Variants in MGAT4C observed in about 807,000 individuals in gnomAD.
The protein encoded by MGAT4C is alpha-1,3-mannosyl-glycoprotein 4-beta-N-acetylglucosaminyltransferase C.
In MGAT4C, 19 loss-of-function variants were observed where a neutral mutation model predicts 40.1. The ratio of observed to expected loss-of-function variants is 0.47; its 90% CI spans 0.33 to 0.70. The LOEUF (loss-of-function observed/expected upper bound fraction) is 0.70, where lower values mean the gene tolerates loss of function less well. Among genes scored for constraint, MGAT4C ranks in the 30% least tolerant of loss-of-function variants. The pLI, the probability that MGAT4C is intolerant of heterozygous loss-of-function variation, is 0.02. For synonymous variants in MGAT4C, 181 were observed against 187.1 expected, an observed-to-expected ratio of 0.97 and a Z score of 0.27; for missense variants, 491 against 563.2, an observed-to-expected ratio of 0.87 and a Z score of 1.30.
chr12:86,078,218 G>A (rs1389346647), intron 1 of MGAT4C, among the ~76,000 whole-genome samples: 1 of 152,124 alleles, frequency 6.6e-6, no homozygotes, highest in African/African-American at 2.4e-5. Context: ...CCCCAGCCCT[G>A]CTAAGTATTG....
intron 2 of MGAT4C, among the ~76,000 whole-genome samples, chr12:86,698,472 G>C (rs1950299472): frequency 6.6e-6 from 1 of 152,048 alleles, no homozygotes; most frequent in Non-Finnish European, 1.5e-5. Context: ...TGTCACAGCA[G>C]CTGTCTTACA....
chr12:86,487,647 T>C (rs1269824440), intron 2 of MGAT4C, among the ~76,000 whole-genome samples: 3 of 152,306 alleles, frequency 2.0e-5, no homozygotes, highest in Non-Finnish European at 2.9e-5. Context: ...TATATTTACA[T>C]AATATGTCAT....
rs188739229 is a variant in MGAT4C at position 86,704,714 on chromosome 12, T to C, written c.-229+22495A>G. 4.8e-3 allele frequency among the ~76,000 whole-genome samples: 733 copies of C among 152,250 alleles called. 2 individuals carry two copies. The highest frequency in any genetic ancestry group is 8.0e-3 in the Non-Finnish European group (543 of 67,980). On this transcript the variant is annotated intron_variant, in intron 2 of 7. Coordinates refer to the MGAT4C transcript ENST00000548651. ...AGTAAACATGATTGGCAACATGTAG[T>C]AAAATTAATTTTCTTGCCTCAAGTC... is the stretch of plus-strand genomic sequence containing the variant.
chr12:86,408,479 C>CTCTCTCTCTCTCTATATA (rs1267344319), intron 3 of MGAT4C, among the ~76,000 whole-genome samples: 8 of 63,342 alleles, frequency 1.3e-4, no homozygotes, highest in African/African-American at 5.5e-4. Flanking sequence ...CTCTCTCTCT[C>CTCTCTCTCTCTCTATATA]TATATATATA....
chr12:86,140,086 T>C (rs1026553888), intron 1 of MGAT4C, among the ~76,000 whole-genome samples: 2 of 152,184 alleles, frequency 1.3e-5, no homozygotes, highest in African/African-American at 2.4e-5. Flanking sequence ...TATACTGGCC[T>C]TAAATTTCTT....
chr12:86,167,668 A>AC (rs57338445), intron 1 of MGAT4C, among the ~76,000 whole-genome samples: 134,927 of 152,130 alleles, frequency 0.89, 60,082 homozygotes, highest in East Asian at 1. Context: ...CACTTTTATA[A>AC]AAGTCCACTC....
chr12:86,567,992 C>G (rs1457979168), intron 2 of MGAT4C, among the ~76,000 whole-genome samples: 1 of 152,092 alleles, frequency 6.6e-6, no homozygotes. Context: ...TAATTAAGAA[C>G]TTATTATTCT....
At chr12:86,465,186 G>T (rs1282924073) in intron 2 of MGAT4C, among the ~76,000 whole-genome samples, 1 of 151,988 alleles carries the variant, frequency 6.6e-6, no homozygotes, top group African/African-American at 2.4e-5. Flanking sequence ...TCAAAAAAAT[G>T]ACTTGAGACA....
At chr12:86,142,965 G>A (rs952946677) in intron 1 of MGAT4C, among the ~76,000 whole-genome samples, 1 of 152,108 alleles carries the variant, frequency 6.6e-6, no homozygotes, top group Non-Finnish European at 1.5e-5. Context: ...AGGCTCCAGA[G>A]AACCCACTTA....
At chr12:86,369,289 C>A (rs1038586097) in intron 3 of MGAT4C, among the ~76,000 whole-genome samples, 1 of 151,786 alleles carries the variant, frequency 6.6e-6, no homozygotes, top group Non-Finnish European at 1.5e-5. Flanking sequence ...ATAGTGGGAT[C>A]TTTTAAAATA....
chr12:86,159,666 G>A (rs1342183490), intron 1 of MGAT4C, among the ~76,000 whole-genome samples: 7 of 151,944 alleles, frequency 4.6e-5, no homozygotes, highest in South Asian at 4.2e-4. Context: ...CAGGGCTTTC[G>A]TTATGGTTAG....
chr12:86,237,069 GGAGA>G (rs1315718018), intron 1 of MGAT4C, among the ~76,000 whole-genome samples: 4 of 150,554 alleles, frequency 2.7e-5, no homozygotes, highest in Admixed American at 1.3e-4. Flanking sequence ...GAAAGGTGGG[GGAGA>G]GAGAGAGAAG....
At chr12:86,272,305 G>C (rs1439486418) in intron 4 of MGAT4C, among the ~76,000 whole-genome samples, 1 of 152,102 alleles carries the variant, frequency 6.6e-6, no homozygotes, top group Non-Finnish European at 1.5e-5. Context: ...TGGACATTTG[G>C]ATTGTTTCCA....
At chr12:86,240,123 T>C (rs1951722886) in intron 1 of MGAT4C, among the ~76,000 whole-genome samples, 1 of 151,466 alleles carries the variant, frequency 6.6e-6, no homozygotes, top group Non-Finnish European at 1.5e-5. Context: ...ATATTTGAAA[T>C]TGAATTAAAT....
intron 3 of MGAT4C, among the ~76,000 whole-genome samples, chr12:86,367,182 C>T (rs1351980531): frequency 2.0e-5 from 3 of 151,844 alleles, no homozygotes; most frequent in Non-Finnish European, 4.4e-5. Context: ...TCTGTCCTAA[C>T]TACAAGCAGA....
chr12:86,221,234 T>A (rs1950866250), intron 1 of MGAT4C, among the ~76,000 whole-genome samples: 1 of 152,150 alleles, frequency 6.6e-6, no homozygotes, highest in Non-Finnish European at 1.5e-5. Context: ...TATTTCAGTC[T>A]CTTGGTATTT....
chr12:86,155,689 T>G (rs915205110), intron 1 of MGAT4C, among the ~76,000 whole-genome samples: 1 of 152,102 alleles, frequency 6.6e-6, no homozygotes, highest in Non-Finnish European at 1.5e-5. Context: ...ATCAAATAGG[T>G]GAAAACAATT....
chr12:86,126,337 C>T (rs1880263928), intron 1 of MGAT4C, among the ~76,000 whole-genome samples: 3 of 151,704 alleles, frequency 2.0e-5, no homozygotes, highest in Admixed American at 2.0e-4. Context: ...GAGAATTTAA[C>T]AAAAGTATAA....
At chr12:86,242,083 G>T (rs1951814407) in intron 1 of MGAT4C, among the ~76,000 whole-genome samples, 1 of 152,086 alleles carries the variant, frequency 6.6e-6, no homozygotes, top group Admixed American at 6.6e-5. Flanking sequence ...GCCTCCCTTT[G>T]CTGGGGACCT....
Sources: allele counts gnomAD v4.1 joint callset (sites outside exome capture counted in the v4.1 genomes callset), GRCh38; gene constraint gnomAD v4.1.1; transcripts MANE v1.5; gene names NCBI Gene and HGNC (gene_info 2026-07-23, HGNC 2026-07-21).